Variants in ADCY2 observed in about 807,000 individuals in gnomAD.
The protein encoded by ADCY2 is adenylate cyclase type 2.
Under a neutral mutation model 125.2 loss-of-function variants are expected in ADCY2, and 31 were observed. That is an observed-to-expected ratio of 0.25 (90% CI 0.19 to 0.33). ADCY2 has a LOEUF of 0.33. Among genes scored for constraint, ADCY2 ranks in the 10% least tolerant of loss-of-function variants. ADCY2 has a pLI of 1.00. For missense variants in ADCY2, 904 were observed against 1,418.2 expected, an observed-to-expected ratio of 0.64 and a Z score of 5.82; for synonymous variants, 512 against 548.4, an observed-to-expected ratio of 0.93 and a Z score of 0.93.
At chr5:7,792,439 G>A (rs1744278744) in intron 20 of ADCY2, among the ~76,000 whole-genome samples, 1 of 152,044 alleles carries the variant, frequency 6.6e-6, no homozygotes, top group Non-Finnish European at 1.5e-5. Flanking sequence ...GGAGCTGATA[G>A]GAGGGTCCCT....
intron 3 of ADCY2, among the ~76,000 whole-genome samples, chr5:7,576,982 T>G (rs1486201982): frequency 6.6e-6 from 1 of 152,250 alleles, no homozygotes; most frequent in East Asian, 1.9e-4. Flanking sequence ...ATCATAGCAT[T>G]GCTTAATGTA....
At chr5:7,564,627 C>G (rs1005351884) in intron 3 of ADCY2, among the ~76,000 whole-genome samples, 12 of 152,120 alleles carry the variant, frequency 7.9e-5, no homozygotes, top group African/African-American at 2.9e-4. Flanking sequence ...TCAAATCGCT[C>G]TCTGCTCATA....
chr5:7,784,266 C>T, intron 18 of ADCY2, 99 bp from the exon 19 acceptor site: 1 of 855,032 alleles, frequency 1.2e-6, no homozygotes, highest in Non-Finnish European at 2.0e-6. Context: ...TGTAGACAGG[C>T]ACTAGAGAAT....
chr5:7,444,407 G>T (rs545380269), intron 2 of ADCY2, among the ~76,000 whole-genome samples: 4 of 151,900 alleles, frequency 2.6e-5, no homozygotes, highest in Non-Finnish European at 4.4e-5. Context: ...GAGCCACCGC[G>T]CCGGGGCTGT....
chr5:7,654,288 G>T (rs749207848), intron 4 of ADCY2: 5 of 376,542 alleles, frequency 1.3e-5, no homozygotes, highest in Non-Finnish European at 2.1e-5. Flanking sequence ...AGGAGCTCTG[G>T]TGGGGTGGCG....
chr5:7,780,246 A>G (rs1743874551), intron 18 of ADCY2, among the ~76,000 whole-genome samples: 1 of 152,244 alleles, frequency 6.6e-6, no homozygotes, highest in Non-Finnish European at 1.5e-5. Context: ...TTTACGCAGG[A>G]CAATGTTGTC....
At chr5:7,408,658 G>A (rs1245074529) in intron 1 of ADCY2, among the ~76,000 whole-genome samples, 4 of 152,088 alleles carry the variant, frequency 2.6e-5, no homozygotes, top group Middle Eastern at 3.2e-3. Flanking sequence ...GTGAGCCACC[G>A]TGCCTAGCCA....
chr5:7,666,155 A>G (rs1380531925), intron 4 of ADCY2, among the ~76,000 whole-genome samples: 4 of 151,050 alleles, frequency 2.6e-5, no homozygotes, highest in African/African-American at 4.9e-5. Flanking sequence ...AATTCTTAGG[A>G]AAAAAAGTCT....
chr5:7,434,046 A>C (rs1740706973), intron 2 of ADCY2, among the ~76,000 whole-genome samples: 3 of 152,234 alleles, frequency 2.0e-5, no homozygotes, highest in Admixed American at 2.0e-4. Flanking sequence ...AAATCTCCTC[A>C]TGACGTCAAT....
At chr5:7,680,832 T>C (rs890596421) in intron 4 of ADCY2, among the ~76,000 whole-genome samples, 3 of 152,214 alleles carry the variant, frequency 2.0e-5, no homozygotes, top group Non-Finnish European at 4.4e-5. Flanking sequence ...TAATATTTGA[T>C]GTGATTTCCT....
intron 3 of ADCY2, among the ~76,000 whole-genome samples, chr5:7,573,735 T>A (rs2126604108): frequency 6.7e-6 from 1 of 150,076 alleles, no homozygotes; most frequent in African/African-American, 2.4e-5. Flanking sequence ...TTAAACTCTT[T>A]TTTTTGTTTG....
rs915821282 is a variant in ADCY2, at chr5:7,438,699, G to A, written c.408+23929G>A. 3.9e-5 allele frequency among the ~76,000 whole-genome samples: 6 copies of A among 152,178 alleles called. No homozygotes were observed. The East Asian group carries it at 5.8e-4, about 15-fold the overall frequency. On this transcript the variant is annotated intron_variant, in intron 2 of 24. Transcript: ENST00000338316. The stretch of plus-strand genomic sequence containing the variant: ...CTCAGTTTCTTCATGTGTAAAATGG[G>A]TATAATGAAACATCACAGGTCAGTT...
At chr5:7,494,211 C>G (rs1743267793) in intron 2 of ADCY2, among the ~76,000 whole-genome samples, 1 of 152,120 alleles carries the variant, frequency 6.6e-6, no homozygotes, top group Non-Finnish European at 1.5e-5. Flanking sequence ...CTGCTTCCTG[C>G]TGTTGCCCTA....
chr5:7,598,652 T>C (rs1023220104), intron 3 of ADCY2, among the ~76,000 whole-genome samples: 2 of 152,082 alleles, frequency 1.3e-5, no homozygotes, highest in African/African-American at 2.4e-5. Flanking sequence ...TAGGTGTGGG[T>C]GCTGGGGGTG....
rs570454831 is a variant in ADCY2 at position 7,591,761 on chromosome 5, C to G, written c.571-34406C>G. On this transcript the variant is annotated intron_variant, in intron 3 of 24. Coordinates refer to ENST00000338316, the MANE Select transcript of ADCY2 (RefSeq NM_020546.3). Reference sequence around the variant, plus strand: ...CAATCCACGCATAGAATCAAACACACCTAGGTTAGAAGTCATTGGATATTA... The same window carrying G: ...CAATCCACGCATAGAATCAAACACAGCTAGGTTAGAAGTCATTGGATATTA... 5.9e-5 allele frequency among the ~76,000 whole-genome samples: 9 copies of G among 152,254 alleles called. No homozygotes were observed. In the South Asian group the frequency reaches 1.7e-3, roughly 28 times the overall value.
intron 21 of ADCY2, among the ~76,000 whole-genome samples, chr5:7,803,563 G>A (rs1258529126): frequency 3.3e-5 from 5 of 152,114 alleles, no homozygotes; most frequent in African/African-American, 1.2e-4. Flanking sequence ...AGATTAAGGA[G>A]GAGTCAAGTG....
intron 17 of ADCY2, among the ~76,000 whole-genome samples, chr5:7,771,822 A>G (rs1250579878): frequency 1.3e-5 from 2 of 152,236 alleles, no homozygotes; most frequent in Non-Finnish European, 2.9e-5. Context: ...GGAGTAGTTT[A>G]AAAGCTGGGC....
chr5:7,550,710 G>T lies in ADCY2; in HGVS notation c.570+29811G>T, dbSNP rs556338813. The stretch of plus-strand genomic sequence containing the variant: ...CACTCCCTGCATTACACCTTGGTGG[G>T]CCCTCATCACTTACCTGAGGCAGCG... On this transcript the variant is annotated intron_variant, in intron 3 of 24. Coordinates refer to ENST00000338316, the MANE Select transcript of ADCY2 (RefSeq NM_020546.3). Among the ~76,000 whole-genome samples the T allele has an allele frequency of 2.0e-5, 3 of 152,128 alleles. No individual in the cohort carries two copies. In the South Asian group the frequency reaches 6.2e-4, roughly 32 times the overall value.
intron 2 of ADCY2, among the ~76,000 whole-genome samples, chr5:7,427,918 T>A (rs952631702): frequency 4.6e-5 from 7 of 152,222 alleles, no homozygotes; most frequent in African/African-American, 9.6e-5. Context: ...CCACTCCATA[T>A]GGCATGGCTC....
Sources: allele counts gnomAD v4.1 joint callset (sites outside exome capture counted in the v4.1 genomes callset), GRCh38; gene constraint gnomAD v4.1.1; transcripts MANE v1.5; gene names NCBI Gene and HGNC (gene_info 2026-07-23, HGNC 2026-07-21).